ADGRE1: variants seen among roughly 807,000 people sequenced by gnomAD.
The protein encoded by ADGRE1 is adhesion G protein-coupled receptor E1.
In ADGRE1, 82 loss-of-function variants were observed where a neutral mutation model predicts 102.7. The ratio of observed to expected loss-of-function variants is 0.80; its 90% CI spans 0.67 to 0.96. The LOEUF is 0.96. ADGRE1 is among the 40% of genes least tolerant of loss of function. The probability of loss-of-function intolerance (pLI) is 0.00; values close to 1 mark genes in which losing one functional copy is unlikely to be tolerated. For synonymous variants in ADGRE1, 398 were observed against 399.6 expected, an observed-to-expected ratio of 1.00 and a Z score of 0.05; for missense variants, 1,032 against 1,085.3, an observed-to-expected ratio of 0.95 and a Z score of 0.69.
intron 5 of ADGRE1, among the ~76,000 whole-genome samples, chr19:6,901,166 C>T (rs1314217939): frequency 1.3e-5 from 2 of 152,216 alleles, no homozygotes; most frequent in Non-Finnish European, 2.9e-5. Context: ...TATTTATTCT[C>T]CTTAGCCAGA....
rs902316166 is a variant in ADGRE1 at position 6,927,958 on chromosome 19, A to T, written c.2223-187A>T. Among the ~76,000 whole-genome samples, 3 of 152,222 alleles carry T rather than the reference A, an allele frequency of 2.0e-5. 1 individual carries two copies. Among genetic ancestry groups the T allele is most frequent in the African/African-American group, 7.2e-5 (3 of 41,458 alleles). ...GTAAACATTTCAGGTACATTTGCCC[A>T]GGAAGAAGGTCTAAAAGAGGAAGCG... On this transcript the variant is annotated intron_variant, in intron 16 of 20. Transcript: ENST00000312053.
At chr19:6,926,795 A>G (rs1974929974) in intron 16 of ADGRE1, among the ~76,000 whole-genome samples, 194 bp downstream of exon 16, 1 of 152,074 alleles carries the variant, frequency 6.6e-6, no homozygotes, top group Non-Finnish European at 1.5e-5. Flanking sequence ...ATCCAGGATC[A>G]CTACTATTTG....
chr19:6,903,817 T>C lies in ADGRE1; in HGVS notation c.669T>C (p.Asp223=). The change falls in exon 7 of 21, where the codon GAT becomes GAC. Residue 223 remains aspartate (D), a synonymous_variant. Coordinates refer to ENST00000312053, the MANE Select transcript of ADGRE1 (RefSeq NM_001974.5). Reference sequence around the variant, plus strand: ...CCATTCTGTACCCCACAGATATTGATGAATGCACTGAAATGTGCCCCATCA... The same window carrying C: ...CCATTCTGTACCCCACAGATATTGACGAATGCACTGAAATGTGCCCCATCA... The part of the protein sequence containing the change: ...QGLKASCEDI[D]ECTEMCPINS... 1.2e-6 allele frequency: 2 copies of C among 1,614,074 alleles called. No homozygotes were observed. Among genetic ancestry groups the C allele is most frequent in the Non-Finnish European group, 1.7e-6 (2 of 1,179,958 alleles).
Position 6,937,564 on chromosome 19 carries a change from G to A in ADGRE1, c.2571G>A (p.Arg857=), listed in dbSNP as rs1217843441. ...TCCAGGTACGAGAAGAATACAAGAG[G>A]TGGATCACTGGGAAGACGAAGCCCA... ...LNGQVREEYK[R]WITGKTKPSS... The change falls in exon 20 of 21, where the codon AGG becomes AGA. Residue 857 remains arginine, a synonymous_variant. Coordinates refer to ENST00000312053, the MANE Select transcript of ADGRE1 (RefSeq NM_001974.5). 3.1e-6 allele frequency: 5 copies of A among 1,614,044 alleles called. No individual in the cohort carries two copies. Among genetic ancestry groups the A allele is most frequent in the Admixed American group, 3.3e-5 (2 of 60,016 alleles).
At chr19:6,937,695 G>A (rs746620757) in intron 20 of ADGRE1, 47 bp downstream of exon 20, 22 of 1,579,416 alleles carry the variant, frequency 1.4e-5, no homozygotes, top group East Asian at 9.0e-5. Flanking sequence ...GGGAGGTGCC[G>A]GCCTCTTGGT....
At chr19:6,928,917 C>G in intron 17 of ADGRE1, among the ~76,000 whole-genome samples, 1 of 143,502 alleles carries the variant, frequency 7.0e-6, no homozygotes, top group East Asian at 2.0e-4. Context: ...CCAGCCTAGG[C>G]AACAAGAGCA....
rs1056218331 is a variant in ADGRE1, at chr19:6,899,490, C to T, written c.514+1943C>T. 5.9e-5 allele frequency among the ~76,000 whole-genome samples: 9 copies of T among 151,716 alleles called. No homozygotes were observed. The East Asian group carries it at 1.4e-3, about 23-fold the overall frequency. On this transcript the variant is annotated intron_variant, in intron 5 of 20. Coordinates refer to ENST00000312053, the MANE Select transcript of ADGRE1 (RefSeq NM_001974.5). ...GGTCAGGAGTTCAAGACTAGCCTGG[C>T]GAACATGGTGAAACCTTGTCGCTAC...
At position 6,926,608 on chromosome 19, in the gene ADGRE1, G is replaced by T. The variant is rs376306241; in HGVS notation, c.2222+7G>T. ...GCTATGGAATGCATAATCGGTGAGT[G>T]ACATCCTCTCTCTTCCTGAAGACCC... On this transcript the variant is annotated splice_region_variant and intron_variant, in intron 16 of 20. Coordinates refer to ENST00000312053, the MANE Select transcript of ADGRE1 (RefSeq NM_001974.5). 5.6e-6 allele frequency: 9 copies of T among 1,613,784 alleles called. No homozygotes were observed. The African/African-American group carries it at 1.1e-4, about 19-fold the overall frequency.
chr19:6,914,751 C>T (rs1974314373), intron 11 of ADGRE1, among the ~76,000 whole-genome samples: 3 of 152,236 alleles, frequency 2.0e-5, no homozygotes, highest in South Asian at 4.1e-4. Flanking sequence ...AAAAGTACAG[C>T]AGGCTAGGGA....
intron 9 of ADGRE1, among the ~76,000 whole-genome samples, chr19:6,908,180 A>C (rs1176540257): frequency 6.6e-6 from 1 of 152,264 alleles, no homozygotes; most frequent in African/African-American, 2.4e-5. Flanking sequence ...CTCCTGCTGC[A>C]GATAACTAGC....
In ADGRE1 at chr19:6,911,596, C is replaced by T. The variant is rs553495925; in HGVS notation, c.1123-2057C>T. Among the ~76,000 whole-genome samples the T allele has an allele frequency of 4.0e-5, 6 of 150,574 alleles. 1 individual carries two copies. Among genetic ancestry groups the T allele is most frequent in the African/African-American group, 1.2e-4 (5 of 41,200 alleles). On this transcript the variant is annotated intron_variant, in intron 10 of 20. Coordinates refer to ENST00000312053, the MANE Select transcript of ADGRE1 (RefSeq NM_001974.5). ...TTTTTACCTTGTAAGCATGTACACA[C>T]ATACACACATATACATACATACACA...
chr19:6,917,267 A>G (rs1174454446), intron 12 of ADGRE1, among the ~76,000 whole-genome samples: 3 of 152,266 alleles, frequency 2.0e-5, no homozygotes, highest in African/African-American at 2.4e-5. Context: ...GTAAAAGCAC[A>G]GTGTGCAATA....
chr19:6,899,411 G>A (rs1055692942), intron 5 of ADGRE1, among the ~76,000 whole-genome samples: 2 of 152,174 alleles, frequency 1.3e-5, no homozygotes, highest in Non-Finnish European at 2.9e-5. Context: ...GGGCGCGGTG[G>A]CTCACGCCTG....
chr19:6,900,903 T>C (rs902318112), intron 5 of ADGRE1, among the ~76,000 whole-genome samples: 3 of 152,212 alleles, frequency 2.0e-5, no homozygotes, highest in African/African-American at 4.8e-5. Flanking sequence ...ATTCCATGAG[T>C]TGACATTTTA....
chr19:6,921,757 T>C lies in ADGRE1; in HGVS notation c.1665T>C (p.Thr555=), dbSNP rs1427288891. Residue 555 remains threonine (T), a synonymous_variant, in exon 14 of 21, where the codon ACT becomes ACC. Coordinates refer to ENST00000312053, the MANE Select transcript of ADGRE1 (RefSeq NM_001974.5). The part of the protein sequence containing the change: ...FERPICVSWS[T]DVKGGRWTSF... The stretch of plus-strand genomic sequence containing the variant: ...GGCCCATCTGTGTTTCCTGGAGCAC[T>C]GATGTGAAGGGTGGAAGATGGACAT... The C allele has an allele frequency of 1.9e-6, 3 of 1,613,850 alleles. No individual in the cohort carries two copies. Among genetic ancestry groups the C allele is most frequent in the Admixed American group, 3.3e-5 (2 of 59,962 alleles).
intron 2 of ADGRE1, among the ~76,000 whole-genome samples, chr19:6,892,980 C>T (rs953742283): frequency 5.9e-5 from 9 of 152,146 alleles, no homozygotes. Flanking sequence ...TCTTTATCCC[C>T]CTTCCCCACT....
chr19:6,896,971 T>C (rs111456624), intron 3 of ADGRE1, 178 bp from the exon 4 acceptor site: 8 of 640,758 alleles, frequency 1.2e-5, no homozygotes, highest in African/African-American at 5.5e-5. Flanking sequence ...TCCACCATAG[T>C]CACAAGTATG....
chr19:6,925,414 C>G (rs139829989), intron 15 of ADGRE1, among the ~76,000 whole-genome samples: 1 of 152,186 alleles, frequency 6.6e-6, no homozygotes, highest in East Asian at 1.9e-4. Flanking sequence ...TCAGCCATCA[C>G]GCACGGCCCC....
At chr19:6,920,515 G>GTTTTTT (rs1568355076) in intron 13 of ADGRE1, among the ~76,000 whole-genome samples, 10 of 67,980 alleles carry the variant, frequency 1.5e-4, no homozygotes, top group Non-Finnish European at 1.7e-4. Context: ...CACCATGCCC[G>GTTTTTT]CTTTTTTTTT....
Sources: gnomAD v4.1 joint callset for allele counts (sites outside exome capture counted in the v4.1 genomes callset) on GRCh38, gnomAD v4.1.1 for gene constraint, MANE v1.5 for transcripts, NCBI Gene and HGNC (gene_info 2026-07-23, HGNC 2026-07-21) for gene names.